RHOQ: variants seen among roughly 807,000 people sequenced by gnomAD.
RHOQ encodes the protein ras homolog family member Q.
In RHOQ, 7 loss-of-function variants were observed where a neutral mutation model predicts 25.8. The ratio of observed to expected loss-of-function variants is 0.27; its 90% CI spans 0.15 to 0.51. The LOEUF is 0.51. RHOQ is among the 20% of genes least tolerant of loss of function. The pLI, the probability that RHOQ is intolerant of heterozygous loss-of-function variation, is 0.97. For missense variants in RHOQ, 165 were observed against 260.6 expected, an observed-to-expected ratio of 0.63 and a Z score of 2.53; for synonymous variants, 97 against 98.6, an observed-to-expected ratio of 0.98 and a Z score of 0.10.
chr2:46,564,810 C>T (rs1319908812), intron 2 of RHOQ, among the ~76,000 whole-genome samples: 1 of 152,218 alleles, frequency 6.6e-6, no homozygotes, highest in Non-Finnish European at 1.5e-5. Context: ...GAGGGCTGCT[C>T]TGGTAGAAGT....
chr2:46,543,427 C>G (rs917397072), intron 1 of RHOQ: 25 of 602,676 alleles, frequency 4.1e-5, no homozygotes, highest in Non-Finnish European at 6.7e-5. Flanking sequence ...CTTCCTACCC[C>G]TCGGCGCCCT....
intron 2 of RHOQ, among the ~76,000 whole-genome samples, chr2:46,547,988 T>C (rs1196464726): frequency 6.6e-6 from 1 of 152,200 alleles, no homozygotes; most frequent in African/African-American, 2.4e-5. Context: ...AAGCCCAGTT[T>C]ATTCAGGTCC....
intron 2 of RHOQ, among the ~76,000 whole-genome samples, chr2:46,571,405 G>A (rs1668909678): frequency 6.6e-6 from 1 of 152,162 alleles, no homozygotes; most frequent in African/African-American, 2.4e-5. Context: ...GGCACATTGT[G>A]GGCACTGCTG....
At chr2:46,562,077 C>T (rs1008291395) in intron 2 of RHOQ, among the ~76,000 whole-genome samples, 2 of 152,170 alleles carry the variant, frequency 1.3e-5, no homozygotes, top group Non-Finnish European at 2.9e-5. Context: ...CGATGGAGCA[C>T]AGGCTCTGAC....
chr2:46,572,112 T>TTTTG (rs1668940785), intron 2 of RHOQ, among the ~76,000 whole-genome samples: 1 of 129,912 alleles, frequency 7.7e-6, no homozygotes, highest in Non-Finnish European at 1.6e-5. Flanking sequence ...TGTGTGTTTT[T>TTTTG]TTTTTTTTTT....
chr2:46,579,302 C>T (rs1176458437), intron 4 of RHOQ, among the ~76,000 whole-genome samples: 1 of 152,138 alleles, frequency 6.6e-6, no homozygotes, highest in African/African-American at 2.4e-5. Flanking sequence ...GAGCACTCAG[C>T]TTTGTGGATG....
chr2:46,560,128 C>T (rs1389899006), intron 2 of RHOQ, among the ~76,000 whole-genome samples: 1 of 152,216 alleles, frequency 6.6e-6, no homozygotes, highest in Non-Finnish European at 1.5e-5. Context: ...AGGCGCTCTT[C>T]TGGTTCCCAT....
At position 46,555,934 on chromosome 2, in the gene RHOQ, T is replaced by A. The variant is rs1230473544; in HGVS notation, c.201+12122T>A. 6.6e-6 allele frequency among the ~76,000 whole-genome samples: 1 copy of A among 152,248 alleles called. No individual in the cohort carries two copies. Among genetic ancestry groups the A allele is most frequent in the African/African-American group, 2.4e-5 (1 of 41,466 alleles). On this transcript the variant is annotated intron_variant, in intron 2 of 4. Transcript: ENST00000238738. This position sits in a 1 kb window ranked among gnomAD's most constrained non-coding sequence, Gnocchi z 4.3. ...GCAAGTAATTACTCAGAGAAATTGC[T>A]GGTGTGTCAAACTGCTTGATATGTA...
chr2:46,546,512 GTATATACATA>G (rs1558680644), intron 2 of RHOQ, among the ~76,000 whole-genome samples: 73 of 18,746 alleles, frequency 3.9e-3, no homozygotes, highest in African/African-American at 0.013. Context: ...ATATATATAT[GTATATACATA>G]TATATATATA....
At chr2:46,578,721 A>G (rs886506100) in intron 4 of RHOQ, among the ~76,000 whole-genome samples, 4 of 151,716 alleles carry the variant, frequency 2.6e-5, no homozygotes, top group African/African-American at 9.7e-5. Flanking sequence ...GTGCCATTGC[A>G]CTCCAGCCTG....
At chr2:46,544,799 G>A (rs578120460) in intron 2 of RHOQ, among the ~76,000 whole-genome samples, 1 of 152,326 alleles carries the variant, frequency 6.6e-6, no homozygotes, top group South Asian at 2.1e-4. Flanking sequence ...GTCTTTGGGG[G>A]AAGTCCAGTA....
chr2:46,580,005 C>T (rs1415533756), intron 4 of RHOQ: 1 of 152,562 alleles, frequency 6.6e-6, no homozygotes, highest in African/African-American at 2.4e-5. Context: ...CCATCTCTGG[C>T]CTGCTTTACT....
At chr2:46,559,151 T>TTTG (rs761625689) in intron 2 of RHOQ, among the ~76,000 whole-genome samples, 42 of 151,930 alleles carry the variant, frequency 2.8e-4, no homozygotes, top group African/African-American at 4.3e-4. Context: ...TTGGTTTCTT[T>TTTG]TTGTTGTTGT....
intron 2 of RHOQ, among the ~76,000 whole-genome samples, chr2:46,551,591 G>C (rs989254353): frequency 6.6e-6 from 1 of 152,150 alleles, no homozygotes; most frequent in East Asian, 1.9e-4. Flanking sequence ...TGACAACTTG[G>C]TAATTAAAGA....
At chr2:46,579,843 CAAA>C (rs34843228) in intron 4 of RHOQ, among the ~76,000 whole-genome samples, 1 of 135,656 alleles carries the variant, frequency 7.4e-6, no homozygotes, top group Admixed American at 7.2e-5. Context: ...GAAACTGTCT[CAAA>C]AAAAAAAAAA....
intron 2 of RHOQ, among the ~76,000 whole-genome samples, chr2:46,561,093 T>C (rs1668563167): frequency 1.3e-5 from 2 of 151,234 alleles, no homozygotes; most frequent in South Asian, 4.2e-4. Flanking sequence ...TATATATGTA[T>C]ATACAGGTAT....
chr2:46,546,474 GTGTATATATATATATA>G (rs1668056606), intron 2 of RHOQ, among the ~76,000 whole-genome samples: 2 of 16,954 alleles, frequency 1.2e-4, no homozygotes, highest in Non-Finnish European at 2.1e-4. Flanking sequence ...ATATATATAT[GTGTATATATATATATA>G]TATATATATA....
At chr2:46,549,393 T>G (rs1487011182) in intron 2 of RHOQ, among the ~76,000 whole-genome samples, 2 of 151,374 alleles carry the variant, frequency 1.3e-5, no homozygotes, top group African/African-American at 4.9e-5. Context: ...CAGTTTGGGG[T>G]TTCAAGAGAT....
intron 2 of RHOQ, among the ~76,000 whole-genome samples, chr2:46,574,023 CAG>C (rs1366827587): frequency 2.6e-5 from 4 of 152,210 alleles, no homozygotes; most frequent in South Asian, 4.1e-4. Flanking sequence ...GTGTGGGACT[CAG>C]GGGACCCTGC....
Sources: allele counts gnomAD v4.1 joint callset (sites outside exome capture counted in the v4.1 genomes callset), GRCh38; gene constraint gnomAD v4.1.1; non-coding constraint Gnocchi (gnomAD v3.1); transcripts MANE v1.5; gene names NCBI Gene and HGNC (gene_info 2026-07-23, HGNC 2026-07-21).